Variants in SNX27 observed in about 807,000 individuals in gnomAD.
SNX27 encodes sorting nexin 27, also known as sorting nexin-27.
SNX27 carries 22 observed loss-of-function variants against 71.6 expected under a neutral mutation model. The ratio of observed to expected loss-of-function variants is 0.31; its 90% CI spans 0.22 to 0.44. The LOEUF is 0.44. SNX27 is among the 20% of genes least tolerant of loss of function. The probability of loss-of-function intolerance (pLI) is 1.00; values close to 1 mark genes in which losing one functional copy is unlikely to be tolerated. For missense variants in SNX27, 531 were observed against 698.6 expected (o/e 0.76, Z 2.70); for synonymous variants, 269 against 277.2 (o/e 0.97, Z 0.29).
At chr1:151,641,122 T>G (rs1043208758) in intron 2 of SNX27, among the ~76,000 whole-genome samples, 1 of 152,238 alleles carries the variant, frequency 6.6e-6, no homozygotes, top group Non-Finnish European at 1.5e-5. Context: ...ACATGTGGGT[T>G]GTTTGCAGTT....
intron 2 of SNX27, among the ~76,000 whole-genome samples, chr1:151,643,911 T>G (rs1439425851): frequency 6.6e-6 from 1 of 151,868 alleles, no homozygotes; most frequent in Admixed American, 6.6e-5. Flanking sequence ...CTGCCTGCCT[T>G]GGCCTCCCAA....
Position 151,692,432 on chromosome 1 carries a change from T to TTTA in SNX27, c.1240-3_1240-2insTTA, listed in dbSNP as rs71093207. 5.5e-6 allele frequency: 8 copies of TTTA among 1,452,146 alleles called. No individual in the cohort carries two copies. The highest frequency in any genetic ancestry group is 3.3e-5 in the African/African-American group (2 of 59,714). 90.0% of individuals were successfully genotyped at this position (1,452,146 alleles called of 1,614,324 possible). ...TTTTTTTTTTTTTTTTTTTTTTTTT[T>TTTA]AGTACCTCAACATGCTAAGGACTTG... On this transcript the variant is annotated splice_polypyrimidine_tract_variant and splice_region_variant and intron_variant, in intron 8 of 11. Transcript: ENST00000458013.
chr1:151,693,641 C>G (rs971586344), intron 11 of SNX27, 158 bp downstream of exon 11: 1 of 1,613,228 alleles, frequency 6.2e-7, no homozygotes. Flanking sequence ...GACATTCTTC[C>G]AGCAAGGTTG....
At chr1:151,685,892 T>G (rs745614436) in intron 8 of SNX27, among the ~76,000 whole-genome samples, 4 of 152,226 alleles carry the variant, frequency 2.6e-5, no homozygotes, top group Admixed American at 6.5e-5. Context: ...ATCTTTTAAA[T>G]GTAATTAAAT....
intron 2 of SNX27, among the ~76,000 whole-genome samples, chr1:151,646,412 ATTAT>A (rs1669033990): frequency 6.6e-6 from 1 of 151,660 alleles, no homozygotes. Flanking sequence ...ATGTTGTATC[ATTAT>A]TTATTTTTTT....
intron 7 of SNX27, chr1:151,677,572 T>A (rs1231882934): frequency 6.6e-6 from 1 of 152,160 alleles, no homozygotes; most frequent in Non-Finnish European, 1.5e-5. Flanking sequence ...TTAAATGTAT[T>A]TTTTATTTAA....
intron 2 of SNX27, among the ~76,000 whole-genome samples, chr1:151,651,225 G>T (rs535887728): frequency 1.3e-5 from 2 of 150,884 alleles, no homozygotes; most frequent in Admixed American, 6.6e-5. Flanking sequence ...CTGGCCGGGC[G>T]GGGGGCTGAC....
chr1:151,636,666 T>TAAAA (rs11333472), intron 1 of SNX27, among the ~76,000 whole-genome samples: 6 of 97,540 alleles, frequency 6.2e-5, no homozygotes, highest in African/African-American at 1.9e-4. Context: ...TCCACTTTTG[T>TAAAA]AAAAAAAAAA....
At chr1:151,631,478 C>A (rs759377309) in intron 1 of SNX27, among the ~76,000 whole-genome samples, 2 of 152,082 alleles carry the variant, frequency 1.3e-5, no homozygotes, top group African/African-American at 4.8e-5. Flanking sequence ...AAAATAGAAA[C>A]AATTTGTAAT....
Position 151,694,421 on chromosome 1 carries a change from T to C in SNX27, c.*4T>C. On this transcript the variant is annotated 3_prime_UTR_variant, in exon 12 of 12. Coordinates refer to ENST00000458013, the MANE Select transcript of SNX27 (RefSeq NM_001330723.2). Reference sequence around the variant, plus strand: ...GCAGAGAGATGTGGCCACCTAGCCTTTCCTTATCCCCTTCCCTTCCCTTCA... The same window carrying C: ...GCAGAGAGATGTGGCCACCTAGCCTCTCCTTATCCCCTTCCCTTCCCTTCA... 1 of 1,550,496 alleles carries C rather than the reference T, an allele frequency of 6.4e-7. No homozygotes were observed. The highest frequency in any genetic ancestry group is 8.7e-7 in the Non-Finnish European group (1 of 1,146,894).
chr1:151,612,811 C>T lies in SNX27; in HGVS notation c.311+299C>T, dbSNP rs1230850506. 2.6e-5 allele frequency among the ~76,000 whole-genome samples: 4 copies of T among 152,154 alleles called. No individual in the cohort carries two copies. The highest frequency in any genetic ancestry group is 9.7e-5 in the African/African-American group (4 of 41,436). On this transcript the variant is annotated intron_variant, in intron 1 of 11. Transcript: ENST00000458013. The surrounding 1 kb of genome is among the most constrained non-coding windows in gnomAD (Gnocchi z 5.2). ...GGCTCTTCTCCGCCCCTTTGCCTTCCCGTTTGGCGTGCTGCATTCTGCTCC... is the reference window on the plus strand; with the variant it reads ...GGCTCTTCTCCGCCCCTTTGCCTTCTCGTTTGGCGTGCTGCATTCTGCTCC...
At chr1:151,683,580 C>G (rs1183331229) in intron 8 of SNX27, 135 bp downstream of exon 8, 3 of 518,376 alleles carry the variant, frequency 5.8e-6, no homozygotes, top group Non-Finnish European at 1.0e-5. Flanking sequence ...GAATAGGGAC[C>G]TTGATGCAAA....
rs1668092265 is a variant in SNX27, at chr1:151,629,428, T to C, written c.312-9460T>C. 2.0e-5 allele frequency: 3 copies of C among 150,094 alleles called. No homozygotes were observed. In the South Asian group the frequency reaches 6.3e-4, roughly 31 times the overall value. The allele number at this position is 150,094 out of a possible 1,614,324, so 9.3% of individuals were successfully genotyped here. On this transcript the variant is annotated intron_variant, in intron 1 of 11. Coordinates refer to ENST00000458013, the MANE Select transcript of SNX27 (RefSeq NM_001330723.2). ...GTAAATTTGTGAAGTGTTCCATATA[T>C]ATACACGCACATATATACACATGTA... is the stretch of plus-strand genomic sequence containing the variant.
At chr1:151,615,337 A>G (rs1456840719) in intron 1 of SNX27, among the ~76,000 whole-genome samples, 2 of 151,882 alleles carry the variant, frequency 1.3e-5, no homozygotes. Context: ...GACCCCAACT[A>G]TACAGTGTCT....
intron 7 of SNX27, chr1:151,680,368 C>CATCT (rs1670886012): frequency 6.6e-6 from 1 of 152,140 alleles, no homozygotes; most frequent in Non-Finnish European, 1.5e-5. Context: ...GTTGGCCAGG[C>CATCT]TGGTCTTGAA....
At chr1:151,668,262 G>T (rs531024469) in intron 6 of SNX27, among the ~76,000 whole-genome samples, 26 of 152,322 alleles carry the variant, frequency 1.7e-4, no homozygotes, top group Middle Eastern at 3.4e-3. Flanking sequence ...GTTAGCTTGA[G>T]ACTTGACTGG....
chr1:151,661,422 A>C (rs545830492), intron 4 of SNX27: 4 of 152,744 alleles, frequency 2.6e-5, no homozygotes, highest in African/African-American at 9.6e-5. Flanking sequence ...AATTTCTTAC[A>C]GGCAAGGGCT....
chr1:151,657,656 A>C (rs995767558), intron 2 of SNX27, among the ~76,000 whole-genome samples: 1 of 152,208 alleles, frequency 6.6e-6, no homozygotes, highest in Admixed American at 6.5e-5. Flanking sequence ...TTCTGAAAAT[A>C]AAATCCACCT....
At chr1:151,625,916 C>T (rs1667908562) in intron 1 of SNX27, among the ~76,000 whole-genome samples, 1 of 151,752 alleles carries the variant, frequency 6.6e-6, no homozygotes, top group Non-Finnish European at 1.5e-5. Flanking sequence ...CCACTGCATT[C>T]CAGAGCTTGG....
Sources: gnomAD v4.1 joint callset for allele counts (sites outside exome capture counted in the v4.1 genomes callset) on GRCh38, gnomAD v4.1.1 for gene constraint, Gnocchi (gnomAD v3.1) non-coding constraint, MANE v1.5 for transcripts, NCBI Gene and HGNC (gene_info 2026-07-23, HGNC 2026-07-21) for gene names.